PANK1: variants seen among roughly 807,000 people sequenced by gnomAD.
The protein encoded by PANK1 is pantothenate kinase 1.
Under a neutral mutation model 40.1 loss-of-function variants are expected in PANK1, and 18 were observed. The ratio of observed to expected loss-of-function variants is 0.45; its 90% CI spans 0.31 to 0.67. The LOEUF is 0.67. PANK1 is among the 30% of genes least tolerant of loss of function. The probability of loss-of-function intolerance (pLI) is 0.06; values close to 1 mark genes in which losing one functional copy is unlikely to be tolerated. For missense variants in PANK1, 457 were observed against 599.6 expected (o/e 0.76, Z 2.48); for synonymous variants, 242 against 237.7 (o/e 1.02, Z -0.17).
At chr10:89,630,050 T>C (rs768109404) in intron 1 of PANK1, among the ~76,000 whole-genome samples, 3 of 152,230 alleles carry the variant, frequency 2.0e-5, no homozygotes, top group Non-Finnish European at 4.4e-5. Flanking sequence ...GTTATGTAAC[T>C]GACCTAAGCC....
intron 1 of PANK1, 78 bp downstream of exon 1, chr10:89,644,522 T>TGCCTCAGCCGCTC (rs1487313978): frequency 3.8e-6 from 5 of 1,322,524 alleles, no homozygotes; most frequent in African/African-American, 1.5e-5. Context: ...CTGCGGCGCC[T>TGCCTCAGCCGCTC]GCCTCAGCCG....
intron 1 of PANK1, chr10:89,625,778 C>T (rs539690569): frequency 6.6e-6 from 1 of 152,032 alleles, no homozygotes. Context: ...CAAAGGAAGC[C>T]ATGTCATTCT....
At position 89,593,943 on chromosome 10, in the gene PANK1, A is replaced by G; in HGVS notation, c.946T>C (p.Cys316Arg). Residue 316 changes from cysteine (C) to arginine (R), a missense_variant, in exon 4 of 7, where the codon TGT (cysteine) becomes CGT (arginine). Cys to Arg is a radical substitution (Grantham distance 180). Transcript: ENST00000307534. The part of the protein sequence containing the change: ...FLGLCCLLTG[C>R]ETFEEALEMA... Reference sequence around the variant, plus strand: ...TCCAGAGCTTCTTCAAAGGTCTCACAACCAGTCAGCAAGCAACATAGGCCT... The same window carrying G: ...TCCAGAGCTTCTTCAAAGGTCTCACGACCAGTCAGCAAGCAACATAGGCCT... The G allele has an allele frequency of 6.2e-7, 1 of 1,613,860 alleles. No homozygotes were observed. The highest frequency in any genetic ancestry group is 8.5e-7 in the Non-Finnish European group (1 of 1,179,760).
intron 1 of PANK1, among the ~76,000 whole-genome samples, chr10:89,633,843 T>C (rs1401708252): frequency 6.6e-6 from 1 of 152,214 alleles, no homozygotes; most frequent in Non-Finnish European, 1.5e-5. Context: ...AATACTTACT[T>C]GATCTCCTTT....
chr10:89,599,486 T>C lies in PANK1; in HGVS notation c.665A>G (p.His222Arg), dbSNP rs1844710641. 3 of 1,613,682 alleles carry C rather than the reference T, an allele frequency of 1.9e-6. No individual in the cohort carries two copies. The highest frequency in any genetic ancestry group is 2.7e-5 in the African/African-American group (2 of 75,044). Residue 222 changes from histidine to arginine, a missense_variant, in exon 3 of 7, where the codon CAT (histidine) becomes CGT (arginine). Transcript: ENST00000307534. ...CAGACAGTCCAGTTCATCCAGTTTA[T>C]GCAGCTGCAGGTCAGCAATCTAAAA... is the stretch of plus-strand genomic sequence containing the variant. Reference protein sequence around the residue: ...DFRMIADLQLHKLDELDCLIQ... With the variant: ...DFRMIADLQLRKLDELDCLIQ...
At chr10:89,615,064 A>T (rs950203086) in intron 1 of PANK1, among the ~76,000 whole-genome samples, 1 of 152,194 alleles carries the variant, frequency 6.6e-6, no homozygotes, top group Non-Finnish European at 1.5e-5. Flanking sequence ...GGAGTGGCAG[A>T]ATGAGCAGGT....
intron 2 of PANK1, among the ~76,000 whole-genome samples, chr10:89,610,347 A>G (rs7907406): frequency 0.54 from 82,459 of 151,966 alleles, 23,255 homozygotes; most frequent in South Asian, 0.63. Flanking sequence ...GATCTCAAAC[A>G]TCTCAGTTTT....
At chr10:89,605,811 T>C (rs1844947016) in intron 2 of PANK1, among the ~76,000 whole-genome samples, 1 of 152,198 alleles carries the variant, frequency 6.6e-6, no homozygotes, top group Admixed American at 6.5e-5. Flanking sequence ...AATTGTAATC[T>C]ATGGCAGCTA....
intron 4 of PANK1, 21 bp from the exon 5 acceptor site, chr10:89,593,341 A>G (rs1349216695): frequency 6.2e-7 from 1 of 1,611,876 alleles, no homozygotes; most frequent in Non-Finnish European, 8.5e-7. Flanking sequence ...AATATCAGCG[A>G]GAGTGTTCAA....
rs113418201 is a variant in PANK1 at position 89,596,758 on chromosome 10, G to A, written c.899+2494C>T. On this transcript the variant is annotated intron_variant, in intron 3 of 6. Coordinates refer to ENST00000307534, the MANE Select transcript of PANK1 (RefSeq NM_148977.3). ...AACAACATCATAGTGGGGGATGTTA[G>A]GAAACAGCAGAAGAAACCTTCAATT... is the stretch of plus-strand genomic sequence containing the variant. 7.4e-3 allele frequency among the ~76,000 whole-genome samples: 1,124 copies of A among 152,252 alleles called. 17 individuals carry two copies. The highest frequency in any genetic ancestry group is 0.025 in the African/African-American group (1,044 of 41,536).
At chr10:89,612,237 G>C (rs1371989978) in intron 1 of PANK1, among the ~76,000 whole-genome samples, 189 bp from the exon 2 acceptor site, 1 of 152,122 alleles carries the variant, frequency 6.6e-6, no homozygotes, top group African/African-American at 2.4e-5. Context: ...TCAAAAGAGT[G>C]CCCAAGGCTC....
chr10:89,630,538 G>C (rs1841607653), intron 1 of PANK1, among the ~76,000 whole-genome samples: 1 of 150,586 alleles, frequency 6.6e-6, no homozygotes, highest in South Asian at 2.1e-4. Flanking sequence ...TGTCACCCAG[G>C]CTGGAGTGCA....
chr10:89,590,181 C>T (rs918915189), intron 5 of PANK1, among the ~76,000 whole-genome samples: 3 of 151,684 alleles, frequency 2.0e-5, no homozygotes, highest in Admixed American at 1.3e-4. Context: ...TAAATTTATT[C>T]GGGGAAAAAC....
chr10:89,637,651 T>A (rs759244364), intron 1 of PANK1, among the ~76,000 whole-genome samples: 2 of 152,140 alleles, frequency 1.3e-5, no homozygotes, highest in Non-Finnish European at 2.9e-5. Flanking sequence ...GAGTGGTGAG[T>A]AAATGTGAAG....
chr10:89,611,282 G>T (rs531350266), intron 2 of PANK1, among the ~76,000 whole-genome samples: 1 of 152,156 alleles, frequency 6.6e-6, no homozygotes, highest in Non-Finnish European at 1.5e-5. Flanking sequence ...ATCATTTTTG[G>T]TAGGATTCAT....
chr10:89,601,889 TC>T (rs1328225727), intron 2 of PANK1, among the ~76,000 whole-genome samples: 1 of 152,236 alleles, frequency 6.6e-6, no homozygotes, highest in African/African-American at 2.4e-5. Flanking sequence ...TCCTCTGTTC[TC>T]CCTGATTCCA....
At chr10:89,584,674 C>T (rs1240668752) in intron 6 of PANK1, among the ~76,000 whole-genome samples, 2 of 152,188 alleles carry the variant, frequency 1.3e-5, no homozygotes, top group Admixed American at 1.3e-4. Flanking sequence ...ATGCTTAGAA[C>T]TATGTCTGGT....
At chr10:89,631,829 C>T (rs1001106314) in intron 1 of PANK1, among the ~76,000 whole-genome samples, 1 of 152,054 alleles carries the variant, frequency 6.6e-6, no homozygotes. Context: ...TTCAATTATC[C>T]ACCTACAAAT....
Position 89,644,665 on chromosome 10 carries a change from T to A in PANK1, c.227A>T (p.His76Leu). Reference protein sequence around the residue: ...ELQPQPLLPQHDSPAKKCRLR... With the variant: ...ELQPQPLLPQLDSPAKKCRLR... ...CCGGCATTTCTTGGCCGGGGAGTCA[T>A]GCTGAGGGAGCAGTGGCTGCGGCTG... is the stretch of plus-strand genomic sequence containing the variant. Residue 76 changes from histidine to leucine, a missense_variant, in exon 1 of 7, where the codon CAT (histidine) becomes CTT (leucine). This residue lies in a region of PANK1 where 144 missense variants were observed against 131.2 expected (regional missense o/e 1.10). Transcript: ENST00000307534. The A allele has an allele frequency of 1.3e-6, 2 of 1,572,640 alleles. No homozygotes were observed. The highest frequency in any genetic ancestry group is 1.7e-6 in the Non-Finnish European group (2 of 1,165,454).
Sources: gnomAD v4.1 joint callset for allele counts (sites outside exome capture counted in the v4.1 genomes callset) on GRCh38, gnomAD v4.1.1 for gene constraint, gnomAD v4.1.1 regional missense constraint, MANE v1.5 for transcripts, NCBI Gene and HGNC (gene_info 2026-07-23, HGNC 2026-07-21) for gene names.